GALNT13: variants seen among roughly 807,000 people sequenced by gnomAD.
The protein encoded by GALNT13 is UDP-GalNAc:polypeptide N-acetylgalactosaminyltransferase 13.
Under a neutral mutation model 64.2 loss-of-function variants are expected in GALNT13, and 28 were observed. The observed-to-expected ratio is 0.44, with a 90% CI of 0.32 to 0.60. The LOEUF is 0.60. Ranked by LOEUF, GALNT13 falls within the 20% of genes least tolerant of loss-of-function variation. The pLI, the probability that GALNT13 is intolerant of heterozygous loss-of-function variation, is 0.05. For synonymous variants in GALNT13, 214 were observed against 224.6 expected (o/e 0.95, Z 0.42); for missense variants, 577 against 669.8 (o/e 0.86, Z 1.53).
chr2:153,539,286 A>G, the GALNT13 span, among the ~76,000 whole-genome samples: 1 of 151,982 alleles, frequency 6.6e-6, no homozygotes, highest in Admixed American at 6.6e-5. Context: ...TAGATTCTGG[A>G]CATTAGCCCT....
At chr2:153,841,011 G>A in the GALNT13 span, among the ~76,000 whole-genome samples, 8 of 151,910 alleles carry the variant, frequency 5.3e-5, no homozygotes, top group Non-Finnish European at 8.8e-5. Context: ...AAATAAGAGC[G>A]CTTATGTTCT....
At chr2:154,369,749 A>C (rs1162680834) in intron 9 of GALNT13, among the ~76,000 whole-genome samples, 1 of 152,184 alleles carries the variant, frequency 6.6e-6, no homozygotes, top group Non-Finnish European at 1.5e-5. Flanking sequence ...AGCTTAAACA[A>C]CAGAAATTAA....
the GALNT13 span, among the ~76,000 whole-genome samples, chr2:153,509,356 G>C: frequency 9.7e-4 from 148 of 152,344 alleles, 1 homozygote; most frequent in Middle Eastern, 3.4e-3. Context: ...CCAGTTCCAC[G>C]GAGTGCGCAG....
intron 9 of GALNT13, among the ~76,000 whole-genome samples, chr2:154,335,887 T>C (rs1695417242): frequency 6.6e-6 from 1 of 152,070 alleles, no homozygotes; most frequent in African/African-American, 2.4e-5. Flanking sequence ...AAGTTTCCTC[T>C]TGATTTGGCA....
Position 153,944,487 on chromosome 2 carries a change from CAAGGAAAGACA to C in GALNT13, c.-10_1del, listed in dbSNP as rs1391604337. Reference sequence around the variant, plus strand: ...TTCAATCTGTGTGTTAACTAGAAATCAAGGAAAGACATGAGGAGATTTGTCTACTGCAAGGT... The same window carrying C: ...TTCAATCTGTGTGTTAACTAGAAATCTGAGGAGATTTGTCTACTGCAAGGT... On this transcript the variant is annotated start_lost and 5_prime_UTR_variant, in exon 3 of 13. Transcript: ENST00000392825. 1.2e-6 allele frequency: 2 copies of C among 1,610,042 alleles called. No individual in the cohort carries two copies. The highest frequency in any genetic ancestry group is 2.2e-5 in the South Asian group (2 of 90,072).
chr2:154,025,640 A>G (rs1396173398), intron 3 of GALNT13, among the ~76,000 whole-genome samples: 1 of 152,190 alleles, frequency 6.6e-6, no homozygotes, highest in African/African-American at 2.4e-5. Flanking sequence ...TAGCTTCATT[A>G]GTGCTATGAT....
the GALNT13 span, among the ~76,000 whole-genome samples, chr2:153,434,714 A>G: frequency 2.6e-5 from 4 of 152,210 alleles, no homozygotes; most frequent in South Asian, 2.1e-4. Flanking sequence ...AGTTCATTGT[A>G]GATTCTGGAT....
chr2:154,073,837 G>A (rs13390031), intron 3 of GALNT13, among the ~76,000 whole-genome samples: 30,429 of 151,498 alleles, frequency 0.2, 3,990 homozygotes, highest in Middle Eastern at 0.32. Context: ...AATTTCTAAC[G>A]GAATATATGT....
intron 9 of GALNT13, among the ~76,000 whole-genome samples, chr2:154,355,136 C>A (rs976794255): frequency 6.6e-6 from 1 of 152,000 alleles, no homozygotes; most frequent in Non-Finnish European, 1.5e-5. Context: ...CAGCTTTGTC[C>A]CCACGCCCAG....
Position 154,091,509 on chromosome 2 carries a change from AAAAGGATGAG to A in GALNT13, c.143-48827_143-48818del, listed in dbSNP as rs372631858. Among the ~76,000 whole-genome samples, 439 of 152,038 alleles carry A rather than the reference AAAAGGATGAG, an allele frequency of 2.9e-3. 1 individual carries two copies. The highest frequency in any genetic ancestry group is 1.0e-2 in the African/African-American group (415 of 41,570). On this transcript the variant is annotated intron_variant, in intron 3 of 12. Coordinates refer to ENST00000392825, the MANE Select transcript of GALNT13 (RefSeq NM_052917.4). ...TAAACATTACAAAATATACTAAATT[AAAAGGATGAG>A]TTATTACCTTTTATTATTTTTATAA...
At chr2:154,319,787 C>T (rs16836496) in intron 9 of GALNT13, among the ~76,000 whole-genome samples, 27,515 of 151,754 alleles carry the variant, frequency 0.18, 2,635 homozygotes, top group Middle Eastern at 0.26. Flanking sequence ...AGCATTATAT[C>T]GAACTAGAAA....
chr2:153,775,791 A>G, the GALNT13 span, among the ~76,000 whole-genome samples: 2,025 of 152,230 alleles, frequency 0.013, 41 homozygotes, highest in African/African-American at 0.045. Context: ...TTTGGACACA[A>G]TGCAACACAC....
chr2:153,739,225 C>T, the GALNT13 span, among the ~76,000 whole-genome samples: 1 of 151,764 alleles, frequency 6.6e-6, no homozygotes, highest in African/African-American at 2.4e-5. Flanking sequence ...CTGTGTAACC[C>T]GACCTCCTCT....
chr2:153,136,846 C>CA, the GALNT13 span, among the ~76,000 whole-genome samples: 5 of 36,106 alleles, frequency 1.4e-4, no homozygotes, highest in East Asian at 1.5e-3. Flanking sequence ...ATGGTGTTTG[C>CA]ACCACACACA....
the GALNT13 span, among the ~76,000 whole-genome samples, chr2:153,528,377 A>T: frequency 6.6e-6 from 1 of 152,072 alleles, no homozygotes; most frequent in Non-Finnish European, 1.5e-5. Context: ...GCAAGAGGAT[A>T]TAACAAATTT....
chr2:154,293,110 C>T (rs978004611), intron 8 of GALNT13, among the ~76,000 whole-genome samples: 13 of 152,082 alleles, frequency 8.5e-5, no homozygotes, highest in African/African-American at 3.1e-4. Flanking sequence ...GTCAAATTTA[C>T]TTGAAAGAGA....
At chr2:153,299,450 G>C in the GALNT13 span, among the ~76,000 whole-genome samples, 1 of 152,154 alleles carries the variant, frequency 6.6e-6, no homozygotes, top group Non-Finnish European at 1.5e-5. Context: ...GCAATAATAG[G>C]AACTGTTAGT....
chr2:153,195,303 G>C, the GALNT13 span, among the ~76,000 whole-genome samples: 1 of 152,102 alleles, frequency 6.6e-6, no homozygotes, highest in South Asian at 2.1e-4. Context: ...CACTCAACCT[G>C]GCAGGCTGTG....
chr2:153,487,200 G>C, the GALNT13 span, among the ~76,000 whole-genome samples: 3 of 152,322 alleles, frequency 2.0e-5, no homozygotes, highest in African/African-American at 7.2e-5. Context: ...CTGCAAGAGA[G>C]AAACAATGTA....
Sources: allele counts gnomAD v4.1 joint callset (sites outside exome capture counted in the v4.1 genomes callset), GRCh38; gene constraint gnomAD v4.1.1; transcripts MANE v1.5; gene names NCBI Gene and HGNC (gene_info 2026-07-23, HGNC 2026-07-21).